The following AACS variants were observed in gnomAD, a reference collection of about 807,000 sequenced individuals.
AACS encodes acetoacetyl-CoA synthetase.
Under a neutral mutation model 83.1 loss-of-function variants are expected in AACS, and 69 were observed. The ratio of observed to expected loss-of-function variants is 0.83; its 90% CI spans 0.68 to 1.01. AACS has a LOEUF of 1.01. AACS is among the 50% of genes least tolerant of loss of function. The probability of loss-of-function intolerance (pLI) is 0.00; values close to 1 mark genes in which losing one functional copy is unlikely to be tolerated. For missense variants in AACS, 866 were observed against 882.2 expected (o/e 0.98, Z 0.23); for synonymous variants, 333 against 343.4 (o/e 0.97, Z 0.33).
At chr12:125,085,042 T>C (rs1337597078) in intron 3 of AACS, among the ~76,000 whole-genome samples, 6 of 151,942 alleles carry the variant, frequency 3.9e-5, no homozygotes, top group Non-Finnish European at 8.8e-5. Context: ...GGCAGAATTA[T>C]AGAGCTAGAG....
At chr12:125,119,001 G>A (rs1187799370) in intron 10 of AACS, among the ~76,000 whole-genome samples, 1 of 152,224 alleles carries the variant, frequency 6.6e-6, no homozygotes, top group African/African-American at 2.4e-5. Context: ...CAGAGTGAGG[G>A]CTGAGAAAAA....
chr12:125,100,350 CT>C (rs1281225656), intron 5 of AACS, among the ~76,000 whole-genome samples: 2 of 152,220 alleles, frequency 1.3e-5, no homozygotes, highest in Admixed American at 1.3e-4. Flanking sequence ...TTCCTTCTCT[CT>C]TTTTCTTTCC....
chr12:125,129,609 A>T lies in AACS; in HGVS notation c.1549+149A>T. 1 of 1,057,880 alleles carries T rather than the reference A, an allele frequency of 9.5e-7. No individual in the cohort carries two copies. Among genetic ancestry groups the T allele is most frequent in the Non-Finnish European group, 1.3e-6 (1 of 744,140 alleles). 65.5% of individuals were successfully genotyped at this position (1,057,880 alleles called of 1,614,324 possible). ...TATAGTTCATTCCGCCAGTGGGGGG[A>T]TAATGAATTTTTGATCAATATCTTG... On this transcript the variant is annotated intron_variant, in intron 14 of 17. Transcript: ENST00000316519. This position sits in a 1 kb window ranked among gnomAD's most constrained non-coding sequence, Gnocchi z 4.3.
chr12:125,115,045 T>A (rs1957031459), intron 9 of AACS, among the ~76,000 whole-genome samples: 1 of 152,156 alleles, frequency 6.6e-6, no homozygotes, highest in Non-Finnish European at 1.5e-5. Flanking sequence ...GGCCCGCTCC[T>A]CCGCCCACCC....
chr12:125,127,999 A>G, intron 12 of AACS, 162 bp from the exon 13 acceptor site: 1 of 485,156 alleles, frequency 2.1e-6, no homozygotes, highest in Non-Finnish European at 3.6e-6. Flanking sequence ...CACCTCTCCC[A>G]CTGCTCCCTG....
At chr12:125,072,255 T>C (rs1228295113) in intron 1 of AACS, among the ~76,000 whole-genome samples, 1 of 151,474 alleles carries the variant, frequency 6.6e-6, no homozygotes, top group Non-Finnish European at 1.5e-5. Flanking sequence ...GCTTCTGGGC[T>C]AAAGCGATCC....
chr12:125,093,714 G>A (rs900367308), intron 5 of AACS, among the ~76,000 whole-genome samples: 2 of 152,142 alleles, frequency 1.3e-5, no homozygotes, highest in Non-Finnish European at 2.9e-5. Context: ...TACGTCTCAG[G>A]TCAGAAAACA....
At chr12:125,114,437 C>A in intron 8 of AACS, 40 bp from the exon 9 acceptor site, 1 of 1,572,898 alleles carries the variant, frequency 6.4e-7, no homozygotes, top group Non-Finnish European at 8.7e-7. Flanking sequence ...GTACTGTATG[C>A]CTAACAGAGA....
intron 1 of AACS, among the ~76,000 whole-genome samples, chr12:125,069,597 T>G (rs986945724): frequency 6.6e-6 from 1 of 152,220 alleles, no homozygotes; most frequent in African/African-American, 2.4e-5. Context: ...GTGCCTGTGA[T>G]TCCAGGCCTC....
intron 2 of AACS, among the ~76,000 whole-genome samples, chr12:125,074,287 C>T (rs1312835852): frequency 1.3e-5 from 2 of 152,140 alleles, no homozygotes; most frequent in East Asian, 1.9e-4. Context: ...TGCAGTGGCT[C>T]ACACCTATAA....
chr12:125,092,750 C>T (rs1333463059), intron 5 of AACS: 1 of 152,546 alleles, frequency 6.6e-6, no homozygotes, highest in Non-Finnish European at 1.5e-5. Context: ...CCTGTGGCCT[C>T]TCCTGTCCCT....
At chr12:125,137,706 C>T (rs959298197) in intron 17 of AACS, among the ~76,000 whole-genome samples, 3 of 152,158 alleles carry the variant, frequency 2.0e-5, no homozygotes, top group East Asian at 1.9e-4. Flanking sequence ...GCTTACAAAA[C>T]GGATACCCCG....
chr12:125,141,200 A>G (rs895485632), intron 17 of AACS: 3 of 152,440 alleles, frequency 2.0e-5, no homozygotes, highest in African/African-American at 7.2e-5. Context: ...GGATTTAGGA[A>G]TGGTCTATGC....
At chr12:125,092,346 C>T (rs915447133) in intron 5 of AACS, 3 of 152,450 alleles carry the variant, frequency 2.0e-5, no homozygotes, top group South Asian at 2.1e-4. Flanking sequence ...CAGGTGTGGC[C>T]GCTGGCCCTT....
rs1345983162 is a variant in AACS at position 125,097,541 on chromosome 12, G to A, written c.571-5138G>A. Among the ~76,000 whole-genome samples the A allele has an allele frequency of 6.6e-6, 1 of 152,144 alleles. No homozygotes were observed. Among genetic ancestry groups the A allele is most frequent in the Non-Finnish European group, 1.5e-5 (1 of 68,030 alleles). ...CGCCCGCCGTGAACTTTGCTGAGGG[G>A]CAGAGGAAGTGGCGGGAGTAGAGAG... On this transcript the variant is annotated intron_variant, in intron 5 of 17. Transcript: ENST00000316519. This position sits in a 1 kb window ranked among gnomAD's most constrained non-coding sequence, Gnocchi z 4.3.
intron 2 of AACS, among the ~76,000 whole-genome samples, chr12:125,075,438 C>T (rs1594573050): frequency 6.9e-6 from 1 of 145,446 alleles, no homozygotes; most frequent in African/African-American, 2.6e-5. Flanking sequence ...ATTACAGGCG[C>T]CCGCCACCAC....
intron 8 of AACS, among the ~76,000 whole-genome samples, chr12:125,107,855 C>T (rs753923167): frequency 2.0e-5 from 3 of 152,098 alleles, no homozygotes; most frequent in East Asian, 1.9e-4. Context: ...CTGAGCTACT[C>T]GGGAGGCTGA....
intron 9 of AACS, among the ~76,000 whole-genome samples, chr12:125,114,866 G>A (rs144124658): frequency 0.059 from 8,306 of 139,618 alleles, 434 homozygotes; most frequent in African/African-American, 0.13. Context: ...GGGCTTCCCC[G>A]GGCGCCGGCC....
intron 2 of AACS, among the ~76,000 whole-genome samples, chr12:125,075,391 AGGTG>A (rs1955997637): frequency 6.6e-6 from 1 of 151,130 alleles, no homozygotes; most frequent in African/African-American, 2.4e-5. Flanking sequence ...TCCTGGGTTC[AGGTG>A]ATTCTCTTGC....
Sources: allele counts gnomAD v4.1 joint callset (sites outside exome capture counted in the v4.1 genomes callset), GRCh38; gene constraint gnomAD v4.1.1; non-coding constraint Gnocchi (gnomAD v3.1); transcripts MANE v1.5; gene names NCBI Gene and HGNC (gene_info 2026-07-23, HGNC 2026-07-21).